Variants in TMEM39B observed in about 807,000 individuals in gnomAD.
TMEM39B encodes transmembrane protein 39B.
In TMEM39B, 23 loss-of-function variants were observed where a neutral mutation model predicts 52.2. The observed-to-expected ratio is 0.44, with a 90% CI of 0.32 to 0.62. The LOEUF is 0.62. Ranked by LOEUF, TMEM39B falls within the 20% of genes least tolerant of loss-of-function variation. TMEM39B has a pLI of 0.06. For missense variants in TMEM39B, 547 were observed against 642.0 expected (o/e 0.85, Z 1.60); for synonymous variants, 285 against 264.0 (o/e 1.08, Z -0.77).
intron 5 of TMEM39B, among the ~76,000 whole-genome samples, chr1:32,089,302 T>C (rs991904990): frequency 1.3e-5 from 2 of 151,926 alleles, no homozygotes; most frequent in African/African-American, 4.8e-5. Context: ...TGGCTACTTT[T>C]TGTATTTTTT....
chr1:32,098,226 C>T (rs890915234), intron 7 of TMEM39B, among the ~76,000 whole-genome samples: 3 of 151,650 alleles, frequency 2.0e-5, no homozygotes, highest in African/African-American at 7.3e-5. Context: ...GTCTCGAACT[C>T]CTGACCTCAG....
chr1:32,077,084 G>A, intron 4 of TMEM39B, 80 bp from the exon 5 acceptor site: 2 of 1,575,864 alleles, frequency 1.3e-6, no homozygotes, highest in Admixed American at 3.4e-5. Context: ...GGGATCACAG[G>A]TCATGCTGGG....
At position 32,076,746 on chromosome 1, in the gene TMEM39B, C is replaced by CCT; in HGVS notation, c.352-14_352-13dup. 6.2e-7 allele frequency: 1 copy of CCT among 1,613,888 alleles called. No homozygotes were observed. The highest frequency in any genetic ancestry group is 8.5e-7 in the Non-Finnish European group (1 of 1,179,814). On this transcript the variant is annotated splice_polypyrimidine_tract_variant and intron_variant, in intron 3 of 8. Transcript: ENST00000336294. ...GCAAGGGGCCCACATGACCCCCAGGCCTCTGCCCCCTGACAGAACTTCCAT... is the reference window on the plus strand; with the variant it reads ...GCAAGGGGCCCACATGACCCCCAGGCCTCTCTGCCCCCTGACAGAACTTCCAT...
At chr1:32,073,709 G>A in intron 1 of TMEM39B, 5 of 985,256 alleles carry the variant, frequency 5.1e-6, no homozygotes, top group Non-Finnish European at 6.0e-6. Flanking sequence ...GTTTATGGAG[G>A]GCAGAGCTCT....
chr1:32,075,122 A>T, intron 2 of TMEM39B, 45 bp downstream of exon 2: 1 of 1,525,716 alleles, frequency 6.6e-7, no homozygotes, highest in African/African-American at 1.4e-5. Flanking sequence ...CCTCACAGGG[A>T]CGATGTGGAC....
At position 32,083,199 on chromosome 1, in the gene TMEM39B, C is replaced by T. The variant is rs1640188257; in HGVS notation, c.590+5881C>T. On this transcript the variant is annotated intron_variant, in intron 5 of 8. Coordinates refer to ENST00000336294, the MANE Select transcript of TMEM39B (RefSeq NM_018056.4). ...TCCCAAGTTCAAGTGATTCTCCTCCCTCAGCTCCCGAGTAGCTGGGATTAC... is the reference window on the plus strand; with the variant it reads ...TCCCAAGTTCAAGTGATTCTCCTCCTTCAGCTCCCGAGTAGCTGGGATTAC... Among the ~76,000 whole-genome samples, 3 of 149,592 alleles carry T rather than the reference C, an allele frequency of 2.0e-5. No homozygotes were observed. In the South Asian group the frequency reaches 6.4e-4, roughly 32 times the overall value.
chr1:32,073,468 C>A, intron 1 of TMEM39B: 1 of 895,520 alleles, frequency 1.1e-6, no homozygotes, highest in Non-Finnish European at 1.4e-6. Context: ...GGAGCCCATT[C>A]TGGAGTGGGG....
At chr1:32,073,673 G>A (rs2124417331) in intron 1 of TMEM39B, 3 of 985,674 alleles carry the variant, frequency 3.0e-6, no homozygotes, top group Non-Finnish European at 3.6e-6. Context: ...GTATAACAGC[G>A]TATGAACAGA....
chr1:32,079,476 G>A (rs115221360), intron 5 of TMEM39B, among the ~76,000 whole-genome samples: 6,254 of 152,042 alleles, frequency 0.041, 390 homozygotes, highest in African/African-American at 0.14. Flanking sequence ...GAGCCACCGC[G>A]CCTGGCCAAC....
rs569871741 is a variant in TMEM39B at position 32,091,745 on chromosome 1, G to A, written c.661G>A (p.Ala221Thr). 292 of 1,614,180 alleles carry A rather than the reference G, an allele frequency of 1.8e-4. 3 individuals are homozygous for A. The South Asian group carries it at 3.2e-3, about 17-fold the overall frequency. Residue 221 changes from alanine (A) to threonine (T), a missense_variant, in exon 6 of 9, where the codon GCC becomes ACC. Physicochemically the swap from Ala to Thr is moderately conservative, Grantham distance 58. Coordinates refer to ENST00000336294, the MANE Select transcript of TMEM39B (RefSeq NM_018056.4). ...CAAGACAAGCCTCTTCAACCACATGGCCTCCATGGGGCCCCGGGAGGCGGT... is the reference window on the plus strand; with the variant it reads ...CAAGACAAGCCTCTTCAACCACATGACCTCCATGGGGCCCCGGGAGGCGGT... ...LRKTSLFNHM[A>T]SMGPREAVSG...
At chr1:32,079,657 C>T (rs965091948) in intron 5 of TMEM39B, among the ~76,000 whole-genome samples, 8 of 152,140 alleles carry the variant, frequency 5.3e-5, no homozygotes, top group Non-Finnish European at 7.4e-5. Flanking sequence ...CCTCAGCCTT[C>T]TGAGTAGCTG....
At chr1:32,072,570 A>T (rs1639685785), upstream of TMEM39B, 1 of 163,280 alleles carries the variant, frequency 6.1e-6, no homozygotes, top group African/African-American at 2.4e-5. Flanking sequence ...ACTGGGGTGG[A>T]CTAAAGCGCA....
chr1:32,101,435 C>T (rs146025972), intron 8 of TMEM39B, among the ~76,000 whole-genome samples: 134 of 151,716 alleles, frequency 8.8e-4, no homozygotes, highest in African/African-American at 3.0e-3. Flanking sequence ...CCCCTCCCCC[C>T]CTTTTTTAAA....
intron 2 of TMEM39B, among the ~76,000 whole-genome samples, chr1:32,075,349 C>T (rs1320137464): frequency 1.3e-5 from 2 of 152,336 alleles, no homozygotes; most frequent in African/African-American, 4.8e-5. Flanking sequence ...CCTCCCTTCT[C>T]TGGGCCTCCT....
At position 32,075,708 on chromosome 1, in the gene TMEM39B, G is replaced by T. The variant is rs986144477; in HGVS notation, c.237G>T (p.Leu79=). ...IPELPVQASI[L]FELQLFFCQL... is the part of the protein sequence containing the mutation. The stretch of plus-strand genomic sequence containing the variant: ...AGCTGCCAGTCCAGGCCAGCATTCT[G>T]TTTGAGTTGCAGCTCTTCTTCTGCC... The change falls in exon 3 of 9, where the codon CTG becomes CTT. Residue 79 remains leucine (L), a synonymous_variant. Transcript: ENST00000336294. The T allele has an allele frequency of 6.4e-7, 1 of 1,551,682 alleles. No individual in the cohort carries two copies. Among genetic ancestry groups the T allele is most frequent in the East Asian group, 2.4e-5 (1 of 40,938 alleles).
intron 6 of TMEM39B, among the ~76,000 whole-genome samples, chr1:32,093,021 G>C (rs74460673): frequency 6.6e-6 from 1 of 152,210 alleles, no homozygotes; most frequent in Non-Finnish European, 1.5e-5. Flanking sequence ...CCAAAAGCCT[G>C]TGCTCTCTTT....
At chr1:32,082,307 A>G (rs1640132775) in intron 5 of TMEM39B, among the ~76,000 whole-genome samples, 1 of 152,022 alleles carries the variant, frequency 6.6e-6, no homozygotes, top group Non-Finnish European at 1.5e-5. Context: ...GTCTAAGCCT[A>G]ATTCTGAAAA....
Position 32,100,622 on chromosome 1 carries a change from G to A in TMEM39B, c.1236+60G>A, listed in dbSNP as rs1291697708. 2.5e-6 allele frequency: 4 copies of A among 1,607,984 alleles called. No individual in the cohort carries two copies. The Admixed American group carries it at 6.7e-5, about 27-fold the overall frequency. Reference sequence around the variant, plus strand: ...CTGAGAGGGTGGGAGGATCTGCAGGGCAGGAATGTGATGTCATTGCAAGAG... The same window carrying A: ...CTGAGAGGGTGGGAGGATCTGCAGGACAGGAATGTGATGTCATTGCAAGAG... On this transcript the variant is annotated intron_variant, in intron 8 of 8. Transcript: ENST00000336294.
In TMEM39B at chr1:32,091,993, G is replaced by A. The variant is rs772768848; in HGVS notation, c.909G>A (p.Val303=). 11 of 1,613,734 alleles carry A rather than the reference G, an allele frequency of 6.8e-6. 1 individual carries two copies. In the South Asian group the frequency reaches 1.2e-4, roughly 18 times the overall value. ...TGAGCGCCTACTATGTGGCCTTTGTGCCTGTCTGGTTCGTGAAGGTGCGTA... is the reference window on the plus strand; with the variant it reads ...TGAGCGCCTACTATGTGGCCTTTGTACCTGTCTGGTTCGTGAAGGTGCGTA... ...SMLSAYYVAF[V]PVWFVKNTHY... Residue 303 remains valine (V), a synonymous_variant, in exon 6 of 9, where the codon GTG becomes GTA. Transcript: ENST00000336294.
Sources: gnomAD v4.1 joint callset for allele counts (sites outside exome capture counted in the v4.1 genomes callset) on GRCh38, gnomAD v4.1.1 for gene constraint, MANE v1.5 for transcripts, NCBI Gene and HGNC (gene_info 2026-07-23, HGNC 2026-07-21) for gene names.